The following FRK variants were observed in gnomAD, a reference collection of about 807,000 sequenced individuals.
FRK encodes tyrosine-protein kinase FRK.
A neutral mutation model predicts 56.4 loss-of-function variants in FRK; 51 were observed. That is an observed-to-expected ratio of 0.90 (90% CI 0.72 to 1.14). The LOEUF is 1.14. FRK is among the 50% of genes most tolerant of loss of function. The probability of loss-of-function intolerance (pLI) is 0.00; values close to 1 mark genes in which losing one functional copy is unlikely to be tolerated. For synonymous variants in FRK, 245 were observed against 217.9 expected (o/e 1.12, Z -1.10); for missense variants, 570 against 601.4 (o/e 0.95, Z 0.55).
chr6:115,967,420 G>T, intron 4 of FRK, 131 bp downstream of exon 4: 3 of 785,482 alleles, frequency 3.8e-6, no homozygotes, highest in Non-Finnish European at 4.1e-6. Flanking sequence ...GGGTCACCTG[G>T]GCTAGAGACA....
At chr6:116,073,597 A>T in the FRK span, among the ~76,000 whole-genome samples, 1 of 152,334 alleles carries the variant, frequency 6.6e-6, no homozygotes, top group Admixed American at 6.5e-5. Context: ...TAAACATATT[A>T]AAAATGAATA....
the FRK span, among the ~76,000 whole-genome samples, chr6:116,067,903 A>C: frequency 6.6e-6 from 1 of 152,234 alleles, no homozygotes; most frequent in Admixed American, 6.5e-5. Flanking sequence ...GATGCCATTA[A>C]ATAAGCAGAC....
intron 5 of FRK, among the ~76,000 whole-genome samples, chr6:115,952,313 C>A (rs1281350939): frequency 6.6e-6 from 1 of 151,924 alleles, no homozygotes. Flanking sequence ...GGTTTTAGGT[C>A]TAAAAAAATG....
chr6:115,941,409 G>A lies in FRK; in HGVS notation c.*1005C>T, dbSNP rs1472571730. On this transcript the variant is annotated 3_prime_UTR_variant, in exon 8 of 8. Coordinates refer to ENST00000606080, the MANE Select transcript of FRK (RefSeq NM_002031.3). ...CCTAATGTAGACGACGGGTTGATGG[G>A]TGCAGCAAACCACCATGGCACTTGT... 5 of 152,074 alleles carry A rather than the reference G, an allele frequency of 3.3e-5. No homozygotes were observed. The highest frequency in any genetic ancestry group is 7.4e-5 in the Non-Finnish European group (5 of 68,016). The allele number at this position is 152,074 out of a possible 1,614,324, so 9.4% of individuals were successfully genotyped here.
the FRK span, among the ~76,000 whole-genome samples, chr6:116,077,149 T>G: frequency 2.0e-4 from 31 of 152,202 alleles, no homozygotes; most frequent in Non-Finnish European, 4.0e-4. Context: ...TTTTACATGT[T>G]TTTACCTGTA....
intron 1 of FRK, among the ~76,000 whole-genome samples, chr6:116,051,538 T>C (rs1049656420): frequency 2.0e-5 from 3 of 152,162 alleles, no homozygotes; most frequent in East Asian, 1.9e-4. Flanking sequence ...TACATTTGCA[T>C]CTATGCATTT....
Position 115,935,311 on chromosome 6 carries a change from A to G in FRK, c.*7103T>C, listed in dbSNP as rs496400. 1 allele frequency: 151,867 copies of G among 152,546 alleles called. 75,598 individuals carry two copies. Among genetic ancestry groups the G allele is most frequent in the Middle Eastern group, 1 (296 of 296 alleles). 9.4% of individuals were successfully genotyped at this position (152,546 alleles called of 1,614,324 possible). On this transcript the variant is annotated 3_prime_UTR_variant, in exon 8 of 8. Coordinates refer to ENST00000606080, the MANE Select transcript of FRK (RefSeq NM_002031.3). ...CTGTACCTGAGGAACGGTGCACTCC[A>G]GCCCAGATACTGCACTTTTCCCATG...
At chr6:116,005,393 G>C (rs971731455) in intron 1 of FRK, among the ~76,000 whole-genome samples, 3 of 152,124 alleles carry the variant, frequency 2.0e-5, no homozygotes, top group African/African-American at 7.2e-5. Flanking sequence ...TTCCATGATT[G>C]CTGAGCCAGG....
chr6:116,022,464 C>T (rs1327417259), intron 1 of FRK, among the ~76,000 whole-genome samples: 1 of 152,050 alleles, frequency 6.6e-6, no homozygotes, highest in African/African-American at 2.4e-5. Context: ...AAATATATCA[C>T]AACCAAATGG....
chr6:115,950,037 C>T (rs1029078216), intron 5 of FRK, among the ~76,000 whole-genome samples: 11 of 152,042 alleles, frequency 7.2e-5, no homozygotes, highest in Non-Finnish European at 1.2e-4. Flanking sequence ...TAACTCAAGA[C>T]GGATTAAAGA....
At chr6:116,093,588 C>A in the FRK span, among the ~76,000 whole-genome samples, 1 of 152,234 alleles carries the variant, frequency 6.6e-6, no homozygotes, top group East Asian at 1.9e-4. Context: ...GGACAAATTC[C>A]CTACTGGTCA....
intron 1 of FRK, among the ~76,000 whole-genome samples, chr6:116,047,056 CAT>C (rs1350004157): frequency 1.3e-5 from 2 of 149,854 alleles, no homozygotes; most frequent in Admixed American, 6.7e-5. Flanking sequence ...TATTTATATA[CAT>C]ATATATATAT....
At chr6:115,978,107 T>G (rs1443037568) in intron 2 of FRK, among the ~76,000 whole-genome samples, 1 of 152,174 alleles carries the variant, frequency 6.6e-6, no homozygotes, top group Non-Finnish European at 1.5e-5. Context: ...ACTCCTCACT[T>G]GGTATTATAT....
intron 2 of FRK, among the ~76,000 whole-genome samples, chr6:115,985,625 C>T (rs1774362889): frequency 6.6e-6 from 1 of 151,976 alleles, no homozygotes; most frequent in East Asian, 1.9e-4. Context: ...CAGTTACTTC[C>T]ACTGTAAATT....
At chr6:116,095,246 G>A in the FRK span, among the ~76,000 whole-genome samples, 1 of 152,150 alleles carries the variant, frequency 6.6e-6, no homozygotes, top group Non-Finnish European at 1.5e-5. Context: ...CGACACCATG[G>A]GTATTCAGTA....
intron 1 of FRK, among the ~76,000 whole-genome samples, chr6:116,017,605 T>C (rs911497550): frequency 6.6e-6 from 1 of 152,202 alleles, no homozygotes; most frequent in Non-Finnish European, 1.5e-5. Context: ...ATTAACCTTC[T>C]CTAGGGCCTC....
chr6:116,096,605 T>C, the FRK span, among the ~76,000 whole-genome samples: 1 of 152,292 alleles, frequency 6.6e-6, no homozygotes, highest in African/African-American at 2.4e-5. Flanking sequence ...ACTCTGTGTC[T>C]AGCTAAAGGA....
chr6:115,944,362 C>A lies in FRK; in HGVS notation c.1022G>T (p.Gly341Val). 2 of 1,612,834 alleles carry A rather than the reference C, an allele frequency of 1.2e-6. No individual in the cohort carries two copies. Among genetic ancestry groups the A allele is most frequent in the African/African-American group, 1.3e-5 (1 of 74,982 alleles). ...GTTCCGAGACTCCAGATAGGCCATTCCAGAGGCAACCTGTGCCGCCATGTC... is the reference window on the plus strand; with the variant it reads ...GTTCCGAGACTCCAGATAGGCCATTACAGAGGCAACCTGTGCCGCCATGTC... Reference protein sequence around the residue: ...QVDMAAQVASGMAYLESRNYI... With the variant: ...QVDMAAQVASVMAYLESRNYI... The change falls in exon 6 of 8, where the codon GGA becomes GTA. Residue 341 changes from glycine to valine, a missense_variant. Coordinates refer to ENST00000606080, the MANE Select transcript of FRK (RefSeq NM_002031.3).
At chr6:116,073,889 G>A in the FRK span, among the ~76,000 whole-genome samples, 7 of 152,272 alleles carry the variant, frequency 4.6e-5, no homozygotes, top group African/African-American at 1.7e-4. Flanking sequence ...GAGCTGACAC[G>A]AGAGTTCCAA....
Sources: gnomAD v4.1 joint callset for allele counts (sites outside exome capture counted in the v4.1 genomes callset) on GRCh38, gnomAD v4.1.1 for gene constraint, MANE v1.5 for transcripts, NCBI Gene and HGNC (gene_info 2026-07-23, HGNC 2026-07-21) for gene names.